The following FRMD4A variants were observed in gnomAD, a reference collection of about 807,000 sequenced individuals.
The protein encoded by FRMD4A is FERM domain-containing protein 4A.
FRMD4A carries 29 observed loss-of-function variants against 129.1 expected under a neutral mutation model. The ratio of observed to expected loss-of-function variants is 0.22; its 90% CI spans 0.17 to 0.31. FRMD4A has a LOEUF of 0.31. Ranked by LOEUF, FRMD4A falls within the 10% of genes least tolerant of loss-of-function variation. The probability of loss-of-function intolerance (pLI) is 1.00; values close to 1 mark genes in which losing one functional copy is unlikely to be tolerated. For missense variants in FRMD4A, 1,272 were observed against 1,375.8 expected (o/e 0.92, Z 1.19); for synonymous variants, 634 against 571.6 (o/e 1.11, Z -1.56).
chr10:13,657,344 A>G lies in FRMD4A; in HGVS notation c.2245T>C (p.Ser749Pro). ...NGSDPMDDCS[S>P]CTSHSSSEHY... is the part of the protein sequence containing the mutation. ...TCCGAGCTCGAGTGGCTGGTGCACGACGAGCAGTCGTCCATGGGGTCTGAG... is the reference window on the plus strand; with the variant it reads ...TCCGAGCTCGAGTGGCTGGTGCACGGCGAGCAGTCGTCCATGGGGTCTGAG... The change falls in exon 22 of 25, where the codon TCG becomes CCG. Residue 749 changes from serine (S) to proline (P), a missense_variant. Physicochemically the swap from Ser to Pro is moderately conservative, Grantham distance 74. Transcript: ENST00000357447. The G allele has an allele frequency of 6.2e-7, 1 of 1,609,356 alleles. No homozygotes were observed. The highest frequency in any genetic ancestry group is 8.5e-7 in the Non-Finnish European group (1 of 1,179,222).
chr10:13,961,350 A>T (rs138321195), intron 2 of FRMD4A, among the ~76,000 whole-genome samples: 108 of 152,352 alleles, frequency 7.1e-4, no homozygotes, highest in African/African-American at 2.5e-3. Context: ...GAAAATTTCC[A>T]TCTGAGGCTG....
At position 13,650,578 on chromosome 10, in the gene FRMD4A, A is replaced by T. The variant is rs140052078; in HGVS notation, c.*2+1325T>A. Among the ~76,000 whole-genome samples, 399 of 152,300 alleles carry T rather than the reference A, an allele frequency of 2.6e-3. 4 individuals carry two copies. The highest frequency in any genetic ancestry group is 0.01 in the Middle Eastern group (3 of 294). On this transcript the variant is annotated intron_variant, in intron 24 of 24. Transcript: ENST00000357447. ...TCCCATACCGGGGGAGAAAAAGGCC[A>T]TTCTTCCTACTTCAAAAATACTGCT...
intron 2 of FRMD4A, among the ~76,000 whole-genome samples, chr10:14,139,318 A>T (rs1007953384): frequency 6.6e-6 from 1 of 152,212 alleles, no homozygotes; most frequent in Admixed American, 6.5e-5. Context: ...GTGTCATTCC[A>T]CTTTTTAAAT....
chr10:14,264,509 A>T (rs1339826025), intron 2 of FRMD4A, among the ~76,000 whole-genome samples: 1 of 152,254 alleles, frequency 6.6e-6, no homozygotes, highest in African/African-American at 2.4e-5. Context: ...ATCAACAGAT[A>T]CTTATCAAAT....
chr10:14,194,517 A>G (rs1045643759), intron 2 of FRMD4A, among the ~76,000 whole-genome samples: 18 of 152,228 alleles, frequency 1.2e-4, no homozygotes, highest in African/African-American at 4.3e-4. Flanking sequence ...AGGCTGAGGC[A>G]GGAGAATGGC....
At chr10:13,807,457 C>T (rs1384051028) in intron 4 of FRMD4A, among the ~76,000 whole-genome samples, 1 of 152,126 alleles carries the variant, frequency 6.6e-6, no homozygotes, top group Non-Finnish European at 1.5e-5. Context: ...TAAAGGAACT[C>T]TAATATGTTT....
At chr10:14,135,224 G>A (rs1366634266) in intron 2 of FRMD4A, among the ~76,000 whole-genome samples, 1 of 152,168 alleles carries the variant, frequency 6.6e-6, no homozygotes, top group African/African-American at 2.4e-5. Flanking sequence ...GAGTCCTTGT[G>A]GATGAACTGT....
chr10:14,224,462 A>C (rs1206613035), intron 2 of FRMD4A, among the ~76,000 whole-genome samples: 1 of 150,770 alleles, frequency 6.6e-6, no homozygotes, highest in African/African-American at 2.5e-5. Flanking sequence ...TTCCACTCCT[A>C]CTCATACTGG....
At chr10:13,957,404 C>A (rs536313618) in intron 2 of FRMD4A, among the ~76,000 whole-genome samples, 28 of 152,268 alleles carry the variant, frequency 1.8e-4, no homozygotes, top group African/African-American at 6.3e-4. Context: ...CAGGCATGCA[C>A]CACCATGCCC....
chr10:13,701,427 C>G lies in FRMD4A; in HGVS notation c.888G>C (p.Thr296=), dbSNP rs779028865. ...TFGHSGIAVH[T]WYACPALIKS... Reference sequence around the variant, plus strand: ...TGATCAATGCCGGACATGCATACCACGTGTGCACTGCAATGCCGCTGTGCC... The same window carrying G: ...TGATCAATGCCGGACATGCATACCAGGTGTGCACTGCAATGCCGCTGTGCC... Residue 296 remains threonine, a synonymous_variant, in exon 14 of 25, where the codon ACG becomes ACC. Transcript: ENST00000357447. 6.2e-7 allele frequency: 1 copy of G among 1,612,030 alleles called. No individual in the cohort carries two copies. Among genetic ancestry groups the G allele is most frequent in the East Asian group, 2.2e-5 (1 of 44,884 alleles).
chr10:13,970,894 T>A (rs1181550140), intron 2 of FRMD4A, among the ~76,000 whole-genome samples: 1 of 152,146 alleles, frequency 6.6e-6, no homozygotes, highest in Non-Finnish European at 1.5e-5. Context: ...AGTGCCACTC[T>A]CCCTCAGGAA....
chr10:14,115,140 T>C (rs541657260), intron 2 of FRMD4A, among the ~76,000 whole-genome samples: 1 of 152,340 alleles, frequency 6.6e-6, no homozygotes, highest in Admixed American at 6.5e-5. Flanking sequence ...CCCTGGAAGC[T>C]TGCAGTCTAG....
intron 2 of FRMD4A, among the ~76,000 whole-genome samples, chr10:13,913,918 G>A (rs1032772939): frequency 2.0e-5 from 3 of 152,208 alleles, no homozygotes; most frequent in Non-Finnish European, 4.4e-5. Context: ...GATAGAGGAC[G>A]GGGAGACGCA....
intron 10 of FRMD4A, 49 bp from the exon 11 acceptor site, chr10:13,740,300 G>C (rs1401702360): frequency 1.6e-6 from 2 of 1,283,818 alleles, no homozygotes; most frequent in Admixed American, 3.4e-5. Context: ...ATGCGCAAAA[G>C]GCTAGTTATT....
chr10:13,796,178 C>T (rs192678379), intron 5 of FRMD4A, among the ~76,000 whole-genome samples: 4 of 152,178 alleles, frequency 2.6e-5, no homozygotes, highest in Non-Finnish European at 4.4e-5. Flanking sequence ...AAGAATCCCA[C>T]GGCCTGTGCT....
rs7069015 is a variant in FRMD4A at position 14,089,741 on chromosome 10, C to T, written c.46-230829G>A. ...AATACCTCCCCGGCCCGTAGAGAGA[C>T]GCCATCACCAACAGTGTGGAGTTAT... On this transcript the variant is annotated intron_variant, in intron 2 of 24. Transcript: ENST00000357447. Among the ~76,000 whole-genome samples the T allele has an allele frequency of 8.0e-3, 1,210 of 151,794 alleles. 24 individuals carry two copies. The highest frequency in any genetic ancestry group is 0.028 in the African/African-American group (1,146 of 41,324).
intron 5 of FRMD4A, among the ~76,000 whole-genome samples, chr10:13,793,873 T>C (rs767001150): frequency 3.3e-5 from 5 of 152,164 alleles, no homozygotes; most frequent in African/African-American, 4.8e-5. Context: ...TTCACCTATA[T>C]AGAGAATCTG....
chr10:14,050,246 T>G (rs1296545534), intron 2 of FRMD4A, among the ~76,000 whole-genome samples: 2 of 152,218 alleles, frequency 1.3e-5, no homozygotes, highest in African/African-American at 4.8e-5. Context: ...CCAAACTGTT[T>G]CCCTGTGCCA....
intron 21 of FRMD4A, among the ~76,000 whole-genome samples, chr10:13,659,070 G>T (rs2082418868): frequency 1.3e-5 from 2 of 152,132 alleles, no homozygotes; most frequent in South Asian, 4.1e-4. Context: ...CCTCTGCTTT[G>T]CTTAGGAAAC....
Sources: allele counts gnomAD v4.1 joint callset (sites outside exome capture counted in the v4.1 genomes callset), GRCh38; gene constraint gnomAD v4.1.1; transcripts MANE v1.5; gene names NCBI Gene and HGNC (gene_info 2026-07-23, HGNC 2026-07-21).